Variants in CAPN2 observed in about 807,000 individuals in gnomAD.
The protein encoded by CAPN2 is calpain-2 catalytic subunit.
A neutral mutation model predicts 102.3 loss-of-function variants in CAPN2; 92 were observed. The ratio of observed to expected loss-of-function variants is 0.90; its 90% CI spans 0.76 to 1.07. The LOEUF is 1.07. Among genes scored for constraint, CAPN2 ranks in the 50% least tolerant of loss-of-function variants. CAPN2 has a pLI of 0.00. For synonymous variants in CAPN2, 340 were observed against 355.4 expected, an observed-to-expected ratio of 0.96 and a Z score of 0.49; for missense variants, 800 against 909.4, an observed-to-expected ratio of 0.88 and a Z score of 1.55.
chr1:223,769,206 G>A (rs568773046), intron 16 of CAPN2, among the ~76,000 whole-genome samples: 47 of 152,174 alleles, frequency 3.1e-4, no homozygotes, highest in Non-Finnish European at 5.0e-4. Context: ...TCGAACCTCC[G>A]CCTCCCAGGT....
Position 223,775,873 on chromosome 1 carries a change from A to G in CAPN2, c.*1016A>G, listed in dbSNP as rs529416667. 6.5e-6 allele frequency: 1 copy of G among 152,814 alleles called. No individual in the cohort carries two copies. The highest frequency in any genetic ancestry group is 1.9e-4 in the East Asian group (1 of 5,190). The allele number at this position is 152,814 out of a possible 1,614,324, so 9.5% of individuals were successfully genotyped here. A position where few individuals can be genotyped will look rare whatever the true frequency, so the allele number is the denominator to read the frequency against. On this transcript the variant is annotated 3_prime_UTR_variant, in exon 21 of 21. Coordinates refer to ENST00000295006, the MANE Select transcript of CAPN2 (RefSeq NM_001748.5). ...TGCCATGTTTTCCTTCCTGGAGGGC[A>G]GCCCCACAGGACGGTTTATGAGCAC...
Position 223,775,587 on chromosome 1 carries a change from A to G in CAPN2, c.*730A>G, listed in dbSNP as rs1661598442. ...ACCAGTATGCCAAAACCAGGCATCC[A>G]ATTTGTAAACCAATTATGATAAAGG... On this transcript the variant is annotated 3_prime_UTR_variant, in exon 21 of 21. Transcript: ENST00000295006. The G allele has an allele frequency of 6.6e-6, 1 of 152,662 alleles. No homozygotes were observed. The highest frequency in any genetic ancestry group is 2.4e-5 in the African/African-American group (1 of 41,464). The allele number at this position is 152,662 out of a possible 1,614,324, so 9.5% of individuals were successfully genotyped here.
intron 2 of CAPN2, among the ~76,000 whole-genome samples, chr1:223,733,649 C>T (rs1660383894): frequency 6.6e-6 from 1 of 152,166 alleles, no homozygotes; most frequent in Non-Finnish European, 1.5e-5. Context: ...AGCCCTTATC[C>T]AGGTCACGTG....
At chr1:223,741,451 T>TAG (rs1660612766) in intron 2 of CAPN2, among the ~76,000 whole-genome samples, 7 of 129,442 alleles carry the variant, frequency 5.4e-5, no homozygotes, top group Non-Finnish European at 1.1e-4. Flanking sequence ...TATATATATA[T>TAG]ATATATATAT....
intron 11 of CAPN2, chr1:223,757,684 A>ACTCTTAGGAG: frequency 2.1e-6 from 1 of 476,904 alleles, no homozygotes; most frequent in Non-Finnish European, 3.8e-6. Flanking sequence ...GGCTTTTCAC[A>ACTCTTAGGAG]AAGTTCTTTG....
In CAPN2 at chr1:223,752,957, GTAAGGGCTGTTGCATA is replaced by G. The variant is rs767518759; in HGVS notation, c.1135+16_1135+31del. On this transcript the variant is annotated splice_donor_variant and splice_donor_5th_base_variant and intron_variant, in intron 9 of 20. Transcript: ENST00000295006. LOFTEE classifies it high-confidence loss of function. ...GCGGGAGGTTGCAGGAACTACCCGA[GTAAGGGCTGTTGCATA>G]TAAGGGCTGTTGCAATGCGGGGCCA... The G allele has an allele frequency of 2.5e-6, 4 of 1,613,958 alleles. No individual in the cohort carries two copies. Among genetic ancestry groups the G allele is most frequent in the Admixed American group, 3.3e-5 (2 of 60,018 alleles).
intron 1 of CAPN2, among the ~76,000 whole-genome samples, chr1:223,707,238 C>CTCTG (rs2102767280): frequency 6.6e-6 from 1 of 151,154 alleles, no homozygotes; most frequent in South Asian, 2.1e-4. Flanking sequence ...CTCTTATTTT[C>CTCTG]TCTCTCTCTC....
chr1:223,709,644 A>G (rs1307058479), upstream of CAPN2, among the ~76,000 whole-genome samples: 1 of 149,720 alleles, frequency 6.7e-6, no homozygotes, highest in Non-Finnish European at 1.5e-5. Context: ...TGGGCCAACA[A>G]GAGTGAAACT....
chr1:223,761,491 T>A, intron 12 of CAPN2, 90 bp from the exon 13 acceptor site: 1 of 1,032,524 alleles, frequency 9.7e-7, no homozygotes, highest in Non-Finnish European at 1.5e-6. Context: ...CCCTGCTGGA[T>A]TTAGCACTGC....
chr1:223,746,945 T>G, intron 4 of CAPN2, 52 bp from the exon 5 acceptor site: 1 of 1,528,312 alleles, frequency 6.5e-7, no homozygotes, highest in South Asian at 1.2e-5. Flanking sequence ...TTTGAGAGAT[T>G]ATAGCATCAG....
rs765743766 is a variant in CAPN2 at position 223,771,896 on chromosome 1, G to A, written c.1991G>A (p.Arg664Gln). The change falls in exon 19 of 21, where the codon CGG becomes CAG. Residue 664 changes from arginine to glutamine, a missense_variant. Arg to Gln is a conservative substitution (Grantham distance 43). Coordinates refer to ENST00000295006, the MANE Select transcript of CAPN2 (RefSeq NM_001748.5). ...ATCATCGATTTTGATAATTTTGTTC[G>A]GTGTTTGGTTCGGCTGGAAACGCTA... Reference protein sequence around the residue: ...QLIIDFDNFVRCLVRLETLFK... With the variant: ...QLIIDFDNFVQCLVRLETLFK... 17 of 1,613,668 alleles carry A rather than the reference G, an allele frequency of 1.1e-5. No homozygotes were observed. The African/African-American group carries it at 1.5e-4, about 14-fold the overall frequency.
chr1:223,742,813 G>A (rs574757021), intron 2 of CAPN2, among the ~76,000 whole-genome samples: 13 of 152,284 alleles, frequency 8.5e-5, no homozygotes, highest in South Asian at 4.1e-4. Flanking sequence ...GAGCCGCTGC[G>A]CCTAGTCTTC....
chr1:223,714,820 G>A lies in CAPN2; in HGVS notation c.237+1943G>A, dbSNP rs187157431. Among the ~76,000 whole-genome samples, 36 of 152,258 alleles carry A rather than the reference G, an allele frequency of 2.4e-4. No individual in the cohort carries two copies. In the East Asian group the frequency reaches 6.6e-3, roughly 28 times the overall value. On this transcript the variant is annotated intron_variant, in intron 1 of 20. Coordinates refer to ENST00000295006, the MANE Select transcript of CAPN2 (RefSeq NM_001748.5). ...TCTGCTTCTGAAGACTTACTTCTGA[G>A]GCTAGTGAGGGGACAGAGACAGGTC...
intron 16 of CAPN2, 43 bp downstream of exon 16, chr1:223,766,474 T>TA (rs774782776): frequency 2.5e-5 from 36 of 1,427,864 alleles, no homozygotes; most frequent in South Asian, 4.6e-5. Context: ...TGGGGGAGTT[T>TA]AAAATCTCAC....
chr1:223,705,019 T>TC (rs1659572186), intron 1 of CAPN2, among the ~76,000 whole-genome samples: 1 of 151,502 alleles, frequency 6.6e-6, no homozygotes, highest in South Asian at 2.1e-4. Context: ...ACTCCCATAC[T>TC]CCCCCAGTTC....
intron 1 of CAPN2, among the ~76,000 whole-genome samples, chr1:223,705,078 G>T (rs1009651364): frequency 2.0e-5 from 3 of 152,090 alleles, no homozygotes; most frequent in East Asian, 3.9e-4. Flanking sequence ...CCTGCCCCTC[G>T]GCCAACACCA....
Position 223,768,796 on chromosome 1 carries a change from A to G in CAPN2, c.1756-1045A>G, listed in dbSNP as rs1474890868. ...CTTGGGCAGTATGGCCATTTTCACA[A>G]TATTGATTCTTCCTACCCATGAGCA... On this transcript the variant is annotated intron_variant, in intron 16 of 20. Coordinates refer to ENST00000295006, the MANE Select transcript of CAPN2 (RefSeq NM_001748.5). Among the ~76,000 whole-genome samples the G allele has an allele frequency of 2.0e-5, 3 of 151,312 alleles. No homozygotes were observed. The East Asian group carries it at 5.8e-4, about 29-fold the overall frequency.
intron 20 of CAPN2, 53 bp downstream of exon 20, chr1:223,772,292 G>A (rs28370170): frequency 0.088 from 131,172 of 1,487,636 alleles, 6,122 homozygotes; most frequent in African/African-American, 0.12. Flanking sequence ...GGCATGGGGC[G>A]GAAAGGGCTG....
intron 6 of CAPN2, chr1:223,749,453 A>C (rs1660832859): frequency 4.8e-6 from 2 of 414,644 alleles, no homozygotes; most frequent in Non-Finnish European, 8.7e-6. Flanking sequence ...AGTGTTTTAT[A>C]CTCTATAAGG....
Sources: allele counts gnomAD v4.1 joint callset (sites outside exome capture counted in the v4.1 genomes callset), GRCh38; gene constraint gnomAD v4.1.1; transcripts MANE v1.5; gene names NCBI Gene and HGNC (gene_info 2026-07-23, HGNC 2026-07-21).